The following SPNS3 variants were observed in gnomAD, a reference collection of about 807,000 sequenced individuals.
The protein encoded by SPNS3 is protein spinster homolog 3.
Under a neutral mutation model 54.4 loss-of-function variants are expected in SPNS3, and 51 were observed. That is an observed-to-expected ratio of 0.94 (90% CI 0.75 to 1.18). SPNS3 has a LOEUF of 1.18. Ranked by LOEUF, SPNS3 falls within the 50% of genes most tolerant of loss-of-function variation. The probability of loss-of-function intolerance (pLI) is 0.00; values close to 1 mark genes in which losing one functional copy is unlikely to be tolerated. For missense variants in SPNS3, 669 were observed against 677.4 expected, an observed-to-expected ratio of 0.99 and a Z score of 0.14; for synonymous variants, 309 against 294.7, an observed-to-expected ratio of 1.05 and a Z score of -0.50.
chr17:4,465,525 C>G (rs979733769), intron 8 of SPNS3, among the ~76,000 whole-genome samples: 1 of 151,980 alleles, frequency 6.6e-6, no homozygotes. Context: ...ATGAGGAGTT[C>G]AAGACCAGCT....
intron 8 of SPNS3, among the ~76,000 whole-genome samples, chr17:4,473,341 A>G (rs985131574): frequency 1.1e-4 from 17 of 150,030 alleles, no homozygotes; most frequent in Non-Finnish European, 2.2e-4. Context: ...CAGAGCCAGC[A>G]TGGCTGTCAC....
intron 8 of SPNS3, among the ~76,000 whole-genome samples, chr17:4,475,451 T>C (rs1387432308): frequency 6.6e-6 from 1 of 152,160 alleles, no homozygotes; most frequent in Non-Finnish European, 1.5e-5. Flanking sequence ...AACGTGCGGA[T>C]GCAAAACGGA....
rs888820337 is a variant in SPNS3, at chr17:4,486,656, A to G, written c.1450+73A>G. The G allele has an allele frequency of 4.1e-6, 6 of 1,460,098 alleles. No individual in the cohort carries two copies. In the Admixed American group the frequency reaches 1.3e-4, roughly 32 times the overall value. 90.4% of individuals were successfully genotyped at this position (1,460,098 alleles called of 1,614,324 possible). On this transcript the variant is annotated intron_variant, in intron 11 of 11. Coordinates refer to ENST00000355530, the MANE Select transcript of SPNS3 (RefSeq NM_182538.5). The surrounding 1 kb of genome is among the most constrained non-coding windows in gnomAD (Gnocchi z 5.5). The stretch of plus-strand genomic sequence containing the variant: ...GACAGACAGCACTGGCCACCCCCTG[A>G]ATCCCTGGCCAGTTTGTTTGTTCAT...
intron 8 of SPNS3, among the ~76,000 whole-genome samples, chr17:4,462,003 T>A (rs1311465460): frequency 1.3e-5 from 2 of 152,082 alleles, no homozygotes; most frequent in Non-Finnish European, 1.5e-5. Context: ...AGCATTAGGA[T>A]GGGTGTCCAG....
rs773741224 is a variant in SPNS3 at position 4,446,051 on chromosome 17, T to C, written c.406T>C (p.Ser136Pro). 3.7e-6 allele frequency: 6 copies of C among 1,606,306 alleles called. No individual in the cohort carries two copies. In the East Asian group the frequency reaches 1.1e-4, roughly 30 times the overall value. Residue 136 changes from serine to proline, a missense_variant, in exon 4 of 12, where the codon TCT becomes CCT. Transcript: ENST00000355530. ...GGTCTTGTGCCTGCTCGCCCAGTAT[T>C]CTTGGCTCTTCTTCCTGTCCCGGGG... ...LSSSFISPRYSWLFFLSRGIV... is the reference protein window; with the variant it reads ...LSSSFISPRYPWLFFLSRGIV...
In SPNS3 at chr17:4,486,468, C is replaced by T. The variant is rs751532161; in HGVS notation, c.1335C>T (p.Ser445=). 3.1e-6 allele frequency: 5 copies of T among 1,613,340 alleles called. No individual in the cohort carries two copies. The highest frequency in any genetic ancestry group is 4.2e-6 in the Non-Finnish European group (5 of 1,179,766). ...ACTCCTATCTGCAGCGCTTCCGCAGCCTGCAGCAGAGCTTCCTGTGCTGCG... is the reference window on the plus strand; with the variant it reads ...ACTCCTATCTGCAGCGCTTCCGCAGTCTGCAGCAGAGCTTCCTGTGCTGCG... ...RPDSYLQRFR[S]LQQSFLCCAF... Residue 445 remains serine (S), a synonymous_variant, in exon 11 of 12, where the codon AGC becomes AGT. Transcript: ENST00000355530. This position sits in a 1 kb window ranked among gnomAD's most constrained non-coding sequence, Gnocchi z 5.5.
chr17:4,458,430 C>T (rs527778152), intron 8 of SPNS3, among the ~76,000 whole-genome samples: 50 of 90,086 alleles, frequency 5.6e-4, no homozygotes, highest in Middle Eastern at 5.3e-3. Context: ...TTCTTTCTTT[C>T]CTTCCTCCCT....
chr17:4,445,836 C>A (rs1236715915), intron 3 of SPNS3, among the ~76,000 whole-genome samples: 1 of 152,098 alleles, frequency 6.6e-6, no homozygotes, highest in Non-Finnish European at 1.5e-5. Flanking sequence ...AGGAAAAGGG[C>A]TCCCCTGGGC....
intron 8 of SPNS3, among the ~76,000 whole-genome samples, chr17:4,468,571 G>A (rs1971747657): frequency 6.6e-6 from 1 of 152,066 alleles, no homozygotes; most frequent in South Asian, 2.1e-4. Flanking sequence ...TGTGGGGCAG[G>A]GGGCGGTGGC....
chr17:4,474,619 G>A (rs534208371), intron 8 of SPNS3, among the ~76,000 whole-genome samples: 9 of 152,336 alleles, frequency 5.9e-5, no homozygotes, highest in East Asian at 5.8e-4. Context: ...TGACCTGTGC[G>A]TGCAGGTGGA....
chr17:4,436,404 G>A (rs1026441863), intron 1 of SPNS3, among the ~76,000 whole-genome samples: 1 of 152,074 alleles, frequency 6.6e-6, no homozygotes, highest in Non-Finnish European at 1.5e-5. Flanking sequence ...ACCAGCCTGG[G>A]TAACATAGAA....
At chr17:4,438,471 C>T (rs952654107) in intron 1 of SPNS3, among the ~76,000 whole-genome samples, 45 of 152,200 alleles carry the variant, frequency 3.0e-4, no homozygotes, top group African/African-American at 9.2e-4. Context: ...GGGCCAGAGC[C>T]GCATGGCTCA....
At chr17:4,450,374 C>T (rs1375880449) in intron 7 of SPNS3, among the ~76,000 whole-genome samples, 1 of 132,856 alleles carries the variant, frequency 7.5e-6, no homozygotes. Context: ...TCTCTCCCTA[C>T]CCCTCCCTCC....
At chr17:4,457,023 T>G (rs114264911) in intron 8 of SPNS3, among the ~76,000 whole-genome samples, 2,342 of 152,182 alleles carry the variant, frequency 0.015, 56 homozygotes, top group African/African-American at 0.054. Context: ...CCTGGAAGGT[T>G]TTTTCTTATG....
chr17:4,472,472 C>T (rs1479673106), intron 8 of SPNS3, among the ~76,000 whole-genome samples: 1 of 152,204 alleles, frequency 6.6e-6, no homozygotes, highest in African/African-American at 2.4e-5. Context: ...GGGCTCTGCT[C>T]TGTCTTCTGG....
chr17:4,468,913 C>T (rs1436538056), intron 8 of SPNS3, among the ~76,000 whole-genome samples: 2 of 151,588 alleles, frequency 1.3e-5, no homozygotes, highest in Non-Finnish European at 1.5e-5. Context: ...CTCAGCCTCC[C>T]GAGTAGCTGG....
At chr17:4,460,624 A>G (rs9911582) in intron 8 of SPNS3, among the ~76,000 whole-genome samples, 2,762 of 132,798 alleles carry the variant, frequency 0.021, 80 homozygotes, top group African/African-American at 0.071. Flanking sequence ...TTTTTTTTTT[A>G]GTAGAGACGG....
At chr17:4,454,590 A>G (rs1242675757) in intron 8 of SPNS3, among the ~76,000 whole-genome samples, 1 of 144,764 alleles carries the variant, frequency 6.9e-6, no homozygotes, top group African/African-American at 2.6e-5. Flanking sequence ...AAACAACTTT[A>G]GCCCTGCTTC....
intron 1 of SPNS3, 73 bp downstream of exon 1, chr17:4,434,239 G>A: frequency 3.5e-6 from 5 of 1,420,392 alleles, no homozygotes; most frequent in East Asian, 2.4e-5. Context: ...GATCCATGGT[G>A]GCCTTCCAGC....
Sources: allele counts gnomAD v4.1 joint callset (sites outside exome capture counted in the v4.1 genomes callset), GRCh38; gene constraint gnomAD v4.1.1; non-coding constraint Gnocchi (gnomAD v3.1); transcripts MANE v1.5; gene names NCBI Gene and HGNC (gene_info 2026-07-23, HGNC 2026-07-21).